The following MFHAS1 variants were observed in gnomAD, a reference collection of about 807,000 sequenced individuals.
MFHAS1 encodes multifunctional ROCO family signaling regulator 1.
Under a neutral mutation model 70.4 loss-of-function variants are expected in MFHAS1, and 50 were observed. That is an observed-to-expected ratio of 0.71 (90% confidence interval 0.57 to 0.90). MFHAS1 has a LOEUF of 0.90. Ranked by LOEUF, MFHAS1 falls within the 40% of genes least tolerant of loss-of-function variation. The probability of loss-of-function intolerance (pLI) is 0.00; values close to 1 mark genes in which losing one functional copy is unlikely to be tolerated. For synonymous variants in MFHAS1, 952 were observed against 620.0 expected (o/e 1.54, Z -7.96); for missense variants, 1,795 against 1,347.6 (o/e 1.33, Z -5.20).
rs546844325 is a variant in MFHAS1, at chr8:8,784,769, C to T, written c.*1253G>A. On this transcript the variant is annotated 3_prime_UTR_variant, in exon 3 of 3. Coordinates refer to ENST00000276282, the MANE Select transcript of MFHAS1 (RefSeq NM_004225.3). Reference sequence around the variant, plus strand: ...TGTAAACAGAGTTTTTTACACTCTCCGAAAAACATGTTACTACTGTAGCAT... The same window carrying T: ...TGTAAACAGAGTTTTTTACACTCTCTGAAAAACATGTTACTACTGTAGCAT... 4 of 152,224 alleles carry T rather than the reference C, an allele frequency of 2.6e-5. No individual in the cohort carries two copies. The highest frequency in any genetic ancestry group is 2.1e-4 in the South Asian group (1 of 4,818). 9.4% of individuals were successfully genotyped at this position (152,224 alleles called of 1,614,324 possible).
At chr8:8,873,082 G>A (rs535147878) in intron 1 of MFHAS1, among the ~76,000 whole-genome samples, 3 of 152,310 alleles carry the variant, frequency 2.0e-5, no homozygotes, top group African/African-American at 7.2e-5. Context: ...AAACAGCCCA[G>A]CTCTAGGCAA....
chr8:8,789,364 G>C (rs116842825), intron 2 of MFHAS1, among the ~76,000 whole-genome samples: 1 of 152,140 alleles, frequency 6.6e-6, no homozygotes, highest in Non-Finnish European at 1.5e-5. Context: ...AGAACTTTGC[G>C]GGAGGAAGGC....
At chr8:8,878,130 G>A (rs1441105703) in intron 1 of MFHAS1, among the ~76,000 whole-genome samples, 1 of 152,126 alleles carries the variant, frequency 6.6e-6, no homozygotes, top group Admixed American at 6.5e-5. Context: ...ACCTGACCAT[G>A]ACCTCCGCTG....
At chr8:8,883,921 G>A (rs147495788) in intron 1 of MFHAS1, among the ~76,000 whole-genome samples, 32 of 151,766 alleles carry the variant, frequency 2.1e-4, no homozygotes, top group African/African-American at 6.8e-4. Flanking sequence ...ATACTGGTTG[G>A]GTATGGTGGC....
Position 8,797,439 on chromosome 8 carries a change from G to C in MFHAS1, c.3051C>G (p.Pro1017=). ...CATTTACTCGCTCGCTGCCGTTCTT[G>C]GGGCAAATGATCTCTGCCACTCCTT... is the stretch of plus-strand genomic sequence containing the variant. ...RPEGVAEIIC[P]KNGSERVNVA... The change falls in exon 2 of 3, where the codon CCC becomes CCG. Residue 1017 remains proline, a synonymous_variant. Coordinates refer to ENST00000276282, the MANE Select transcript of MFHAS1 (RefSeq NM_004225.3). 2 of 1,614,134 alleles carry C rather than the reference G, an allele frequency of 1.2e-6. No homozygotes were observed. Among genetic ancestry groups the C allele is most frequent in the South Asian group, 1.1e-5 (1 of 91,076 alleles).
chr8:8,845,139 T>C (rs1279694534), intron 1 of MFHAS1, among the ~76,000 whole-genome samples: 2 of 152,248 alleles, frequency 1.3e-5, no homozygotes, highest in Non-Finnish European at 2.9e-5. Flanking sequence ...GTCATTCATA[T>C]GCAAAGAGGA....
At chr8:8,823,174 C>G (rs1807030383) in intron 1 of MFHAS1, among the ~76,000 whole-genome samples, 2 of 152,204 alleles carry the variant, frequency 1.3e-5, no homozygotes, top group South Asian at 4.1e-4. Flanking sequence ...AACACAGTAA[C>G]TACAAACGGT....
intron 1 of MFHAS1, among the ~76,000 whole-genome samples, chr8:8,852,336 T>C (rs1808276919): frequency 6.6e-6 from 1 of 152,068 alleles, no homozygotes; most frequent in Non-Finnish European, 1.5e-5. Flanking sequence ...TAGCTGGGTG[T>C]GGTGGCATGC....
At chr8:8,866,373 C>T (rs1003615703) in intron 1 of MFHAS1, among the ~76,000 whole-genome samples, 3 of 150,762 alleles carry the variant, frequency 2.0e-5, no homozygotes, top group African/African-American at 7.3e-5. Flanking sequence ...GGCTGGAGTA[C>T]GGTGGCGTAA....
chr8:8,888,953 T>TA (rs1809878138), intron 1 of MFHAS1, among the ~76,000 whole-genome samples: 1 of 145,834 alleles, frequency 6.9e-6, no homozygotes, highest in Non-Finnish European at 1.5e-5. Flanking sequence ...GGGAAGGGGA[T>TA]ATATGGGAAA....
At chr8:8,809,592 T>A (rs1806473759) in intron 1 of MFHAS1, among the ~76,000 whole-genome samples, 1 of 152,080 alleles carries the variant, frequency 6.6e-6, no homozygotes, top group South Asian at 2.1e-4. Context: ...TCGCTAAGGG[T>A]TTATATAAAT....
intron 1 of MFHAS1, among the ~76,000 whole-genome samples, chr8:8,847,560 G>C (rs1808082164): frequency 6.6e-6 from 1 of 152,120 alleles, no homozygotes; most frequent in African/African-American, 2.4e-5. Context: ...AGACAGAATG[G>C]AAATTCATTA....
At chr8:8,878,454 G>C (rs983455888) in intron 1 of MFHAS1, among the ~76,000 whole-genome samples, 11 of 152,146 alleles carry the variant, frequency 7.2e-5, no homozygotes, top group Non-Finnish European at 1.3e-4. Flanking sequence ...TGCAACATGA[G>C]AAAACGTCAA....
At chr8:8,870,262 T>G (rs1809024419) in intron 1 of MFHAS1, among the ~76,000 whole-genome samples, 1 of 137,460 alleles carries the variant, frequency 7.3e-6, no homozygotes, top group Non-Finnish European at 1.5e-5. Flanking sequence ...AAGACCAGCC[T>G]AGGCAACATA....
chr8:8,801,922 A>G (rs1806095205), intron 1 of MFHAS1, among the ~76,000 whole-genome samples: 2 of 152,208 alleles, frequency 1.3e-5, no homozygotes, highest in Admixed American at 1.3e-4. Flanking sequence ...CAGGACTGGG[A>G]AAGACTTCAG....
At chr8:8,811,178 C>A (rs932482578) in intron 1 of MFHAS1, among the ~76,000 whole-genome samples, 1 of 152,016 alleles carries the variant, frequency 6.6e-6, no homozygotes, top group African/African-American at 2.4e-5. Context: ...AAAATCCAGC[C>A]GGGACTTGAG....
chr8:8,824,171 A>G (rs1469981858), intron 1 of MFHAS1, among the ~76,000 whole-genome samples: 3 of 151,700 alleles, frequency 2.0e-5, no homozygotes, highest in Admixed American at 2.0e-4. Flanking sequence ...AGAAGCCAGT[A>G]AACAGACAGG....
chr8:8,830,144 T>A (rs114458197), intron 1 of MFHAS1, among the ~76,000 whole-genome samples: 4 of 152,050 alleles, frequency 2.6e-5, no homozygotes, highest in Non-Finnish European at 5.9e-5. Flanking sequence ...GACACATATA[T>A]GAGGTGGCCC....
rs763688615 is a variant in MFHAS1, at chr8:8,891,306, C to T, written c.1753G>A (p.Glu585Lys). 3.7e-6 allele frequency: 6 copies of T among 1,611,372 alleles called. No homozygotes were observed. The highest frequency in any genetic ancestry group is 3.4e-6 in the Non-Finnish European group (4 of 1,180,014). The change falls in exon 1 of 3, where the codon GAG becomes AAG. Residue 585 changes from glutamate (E) to lysine (K), a missense_variant. By Grantham distance (56) the Glu-to-Lys change is moderately conservative (BLOSUM62 1). Transcript: ENST00000276282. The surrounding 1 kb of genome is among the most constrained non-coding windows in gnomAD (Gnocchi z 5.4). ...VVDEALARDF[E>K]LRSASPHAAY... ...GCGTGGGGGCTGGCAGAGCGCAGCT[C>T]GAAGTCCCGGGCCAGTGCCTCGTCC...
Sources: allele counts gnomAD v4.1 joint callset (sites outside exome capture counted in the v4.1 genomes callset), GRCh38; gene constraint gnomAD v4.1.1; non-coding constraint Gnocchi (gnomAD v3.1); transcripts MANE v1.5; gene names NCBI Gene and HGNC (gene_info 2026-07-23, HGNC 2026-07-21).